The following FAM118A variants were observed in gnomAD, a reference collection of about 807,000 sequenced individuals.
The protein encoded by FAM118A is SIR2 antiphage like 2, also known as protein FAM118A.
A neutral mutation model predicts 38.2 loss-of-function variants in FAM118A; 25 were observed. The ratio of observed to expected loss-of-function variants is 0.65; its 90% CI spans 0.48 to 0.91. The LOEUF is 0.91. Ranked by LOEUF, FAM118A falls within the 40% of genes least tolerant of loss-of-function variation. The pLI, the probability that FAM118A is intolerant of heterozygous loss-of-function variation, is 0.00. For synonymous variants in FAM118A, 178 were observed against 184.1 expected (o/e 0.97, Z 0.27); for missense variants, 425 against 463.3 (o/e 0.92, Z 0.76).
chr22:45,316,779 G>C (rs1569121891), intron 1 of FAM118A, among the ~76,000 whole-genome samples: 1 of 152,316 alleles, frequency 6.6e-6, no homozygotes, highest in East Asian at 1.9e-4. Context: ...GTGTTGCCGG[G>C]CTTTGCTCTA....
intron 1 of FAM118A, among the ~76,000 whole-genome samples, chr22:45,319,126 G>A (rs1215675433): frequency 6.6e-6 from 1 of 152,234 alleles, no homozygotes; most frequent in Non-Finnish European, 1.5e-5. Flanking sequence ...TCACTTATAT[G>A]TGGAGAATCG....
chr22:45,317,455 G>T (rs913162079), intron 1 of FAM118A, among the ~76,000 whole-genome samples: 27 of 152,344 alleles, frequency 1.8e-4, no homozygotes, highest in African/African-American at 6.3e-4. Context: ...TTGATGGTTT[G>T]TGCTTGTTAA....
Position 45,322,352 on chromosome 22 carries a change from G to T in FAM118A, c.-9-19G>T. 6.2e-7 allele frequency: 1 copy of T among 1,605,750 alleles called. No homozygotes were observed. The highest frequency in any genetic ancestry group is 1.1e-5 in the South Asian group (1 of 89,018). On this transcript the variant is annotated intron_variant, in intron 1 of 8. Transcript: ENST00000441876. The stretch of plus-strand genomic sequence containing the variant: ...TACCTGGGAGACAGAAGTCACTTCT[G>T]ACTAATTTTTCTCTTTAGAATTCAC...
At position 45,340,734 on chromosome 22, in the gene FAM118A, T is replaced by C; in HGVS notation, c.*329T>C. On this transcript the variant is annotated 3_prime_UTR_variant, in exon 9 of 9. Transcript: ENST00000441876. The stretch of plus-strand genomic sequence containing the variant: ...GGCTCTCTTTTGTCAAGGTGGTATT[T>C]TTCGTAATAAAAGGGGAAGAGTAAA... 2.4e-6 allele frequency: 1 copy of C among 414,314 alleles called. No individual in the cohort carries two copies. The highest frequency in any genetic ancestry group is 4.3e-6 in the Non-Finnish European group (1 of 231,516). The allele number at this position is 414,314 out of a possible 1,614,324, so 25.7% of individuals were successfully genotyped here.
At chr22:45,328,465 C>G in intron 4 of FAM118A, 1 of 874,882 alleles carries the variant, frequency 1.1e-6, no homozygotes, top group Non-Finnish European at 2.0e-6. Flanking sequence ...CACTTTGTAG[C>G]AGTGAATTAC....
chr22:45,332,351 C>A, intron 5 of FAM118A, 74 bp from the exon 6 acceptor site: 2 of 1,481,442 alleles, frequency 1.4e-6, no homozygotes, highest in Non-Finnish European at 1.8e-6. Context: ...AAAGCACACA[C>A]ATGTGACTTG....
intron 8 of FAM118A, among the ~76,000 whole-genome samples, chr22:45,339,704 C>T (rs372232105): frequency 5.9e-5 from 9 of 152,136 alleles, no homozygotes; most frequent in Admixed American, 2.6e-4. Flanking sequence ...AACGAAGGCC[C>T]GGGCGATTAT....
chr22:45,320,031 CG>C (rs1388578766), intron 1 of FAM118A, among the ~76,000 whole-genome samples: 3 of 152,184 alleles, frequency 2.0e-5, no homozygotes, highest in African/African-American at 7.2e-5. Flanking sequence ...CAAAGGATAA[CG>C]GGGATCCCAT....
At chr22:45,317,222 C>T (rs1306793094) in intron 1 of FAM118A, among the ~76,000 whole-genome samples, 1 of 152,106 alleles carries the variant, frequency 6.6e-6, no homozygotes, top group African/African-American at 2.4e-5. Flanking sequence ...TACTGAAAAA[C>T]CACAAACTTA....
chr22:45,322,444 T>C lies in FAM118A; in HGVS notation c.47+18T>C, dbSNP rs1374748170. The C allele has an allele frequency of 1.2e-6, 2 of 1,602,384 alleles. No homozygotes were observed. Among genetic ancestry groups the C allele is most frequent in the Non-Finnish European group, 1.7e-6 (2 of 1,174,328 alleles). On this transcript the variant is annotated intron_variant, in intron 2 of 8. Coordinates refer to ENST00000441876, the MANE Select transcript of FAM118A (RefSeq NM_017911.4). The stretch of plus-strand genomic sequence containing the variant: ...AAATCCAGGTAATTAAAGGCAACTA[T>C]ACCTTCAAGCAGCTTCATTGACTTC...
At chr22:45,337,532 A>G (rs768300878) in intron 8 of FAM118A, among the ~76,000 whole-genome samples, 5 of 152,080 alleles carry the variant, frequency 3.3e-5, no homozygotes, top group Non-Finnish European at 5.9e-5. Flanking sequence ...TTTGTGTTCC[A>G]AAAACTAACG....
chr22:45,338,765 C>T (rs557442586), intron 8 of FAM118A, among the ~76,000 whole-genome samples: 83 of 152,220 alleles, frequency 5.5e-4, no homozygotes, highest in Non-Finnish European at 1.0e-3. Context: ...ACGAAGCATC[C>T]AGCTTATCAG....
At chr22:45,310,673 T>C (rs1445534691) in intron 1 of FAM118A, among the ~76,000 whole-genome samples, 2 of 152,142 alleles carry the variant, frequency 1.3e-5, no homozygotes, top group Non-Finnish European at 2.9e-5. Context: ...TTCCCAGGTC[T>C]GGTGATAACT....
chr22:45,322,209 T>C, intron 1 of FAM118A, 162 bp from the exon 2 acceptor site: 2 of 1,528,454 alleles, frequency 1.3e-6, no homozygotes, highest in Middle Eastern at 1.7e-4. Flanking sequence ...TAGGAAGCAT[T>C]TTGGATGTAC....
chr22:45,309,677 C>CCAAGCGCTCCCCAGCG (rs1249358410), upstream of FAM118A: 46 of 152,412 alleles, frequency 3.0e-4, no homozygotes, highest in African/African-American at 1.1e-3. Flanking sequence ...GACTCTAGGC[C>CCAAGCGCTCCCCAGCG]CAAGCGCTCC....
intron 5 of FAM118A, 112 bp downstream of exon 5, chr22:45,330,843 G>T: frequency 8.0e-7 from 1 of 1,253,700 alleles, no homozygotes. Context: ...GTGCCCTTCA[G>T]GTCGGCCCTG....
intron 2 of FAM118A, among the ~76,000 whole-genome samples, chr22:45,322,918 C>G (rs949987501): frequency 1.3e-5 from 2 of 152,164 alleles, no homozygotes; most frequent in Non-Finnish European, 2.9e-5. Context: ...GAGCTTAACA[C>G]TGGGCAACTT....
chr22:45,335,396 T>G lies in FAM118A; in HGVS notation c.970+14T>G. ...CCACATTATTGGGTAAAGCAGATCT[T>G]TCTTCTTGCCAGCCTGTTTTTTGCC... On this transcript the variant is annotated intron_variant, in intron 7 of 8. Coordinates refer to ENST00000441876, the MANE Select transcript of FAM118A (RefSeq NM_017911.4). The G allele has an allele frequency of 6.2e-7, 1 of 1,614,100 alleles. No individual in the cohort carries two copies. Among genetic ancestry groups the G allele is most frequent in the Non-Finnish European group, 8.5e-7 (1 of 1,179,934 alleles).
intron 1 of FAM118A, among the ~76,000 whole-genome samples, chr22:45,319,255 A>G (rs1385619830): frequency 6.6e-6 from 1 of 152,206 alleles, no homozygotes; most frequent in Non-Finnish European, 1.5e-5. Context: ...GTGTTTAAAA[A>G]ATAGTCTAAA....
Sources: gnomAD v4.1 joint callset for allele counts (sites outside exome capture counted in the v4.1 genomes callset) on GRCh38, gnomAD v4.1.1 for gene constraint, MANE v1.5 for transcripts, NCBI Gene and HGNC (gene_info 2026-07-23, HGNC 2026-07-21) for gene names.